LRRTM4: variants seen among roughly 807,000 people sequenced by gnomAD.
The protein encoded by LRRTM4 is leucine-rich repeat transmembrane neuronal protein 4.
In LRRTM4, 25 loss-of-function variants were observed where a neutral mutation model predicts 47.6. The observed-to-expected ratio is 0.53, with a 90% confidence interval of 0.38 to 0.73. The LOEUF (loss-of-function observed/expected upper bound fraction) is 0.73, where lower values mean the gene tolerates loss of function less well. Ranked by LOEUF, LRRTM4 falls within the 30% of genes least tolerant of loss-of-function variation. LRRTM4 has a pLI of 0.00. For missense variants in LRRTM4, 638 were observed against 713.4 expected (o/e 0.89, Z 1.20); for synonymous variants, 311 against 269.5 (o/e 1.15, Z -1.51).
chr2:76,931,554 G>C (rs1674770543), intron 3 of LRRTM4, among the ~76,000 whole-genome samples: 1 of 152,054 alleles, frequency 6.6e-6, no homozygotes, highest in South Asian at 2.1e-4. Flanking sequence ...TCATCACTCA[G>C]TGTCTCCTAG....
At chr2:77,405,938 G>T (rs1674163070) in intron 3 of LRRTM4, among the ~76,000 whole-genome samples, 1 of 152,104 alleles carries the variant, frequency 6.6e-6, no homozygotes, top group South Asian at 2.1e-4. Flanking sequence ...TAAACAATGA[G>T]CTTCTTAGGA....
chr2:77,430,931 G>A (rs1675349322), intron 3 of LRRTM4, among the ~76,000 whole-genome samples: 1 of 148,390 alleles, frequency 6.7e-6, no homozygotes, highest in Admixed American at 6.6e-5. Context: ...CAGAGGAAAG[G>A]CCAATTTGCT....
chr2:77,006,280 G>T (rs190460064), intron 3 of LRRTM4, among the ~76,000 whole-genome samples: 1 of 152,030 alleles, frequency 6.6e-6, no homozygotes, highest in Non-Finnish European at 1.5e-5. Flanking sequence ...GGGAATCTAA[G>T]GAATTACAAT....
At chr2:76,893,854 T>C (rs974307172) in intron 3 of LRRTM4, among the ~76,000 whole-genome samples, 4 of 151,858 alleles carry the variant, frequency 2.6e-5, no homozygotes, top group African/African-American at 7.2e-5. Flanking sequence ...CAAAATTGTA[T>C]ACATTTTGGG....
At chr2:76,934,883 A>C (rs530979233) in intron 3 of LRRTM4, among the ~76,000 whole-genome samples, 4 of 152,004 alleles carry the variant, frequency 2.6e-5, no homozygotes, top group East Asian at 2.0e-4. Context: ...TTAATCTAAC[A>C]ATTCTGTAAA....
At chr2:77,176,780 G>A (rs1228920089) in intron 3 of LRRTM4, among the ~76,000 whole-genome samples, 1 of 152,166 alleles carries the variant, frequency 6.6e-6, no homozygotes, top group South Asian at 2.1e-4. Context: ...TAGGAATCTG[G>A]CAGGACTTGT....
chr2:77,014,506 A>T (rs1264302867), intron 3 of LRRTM4, among the ~76,000 whole-genome samples: 1 of 81,578 alleles, frequency 1.2e-5, no homozygotes, highest in Non-Finnish European at 2.6e-5. Flanking sequence ...GCCCTTTCAT[A>T]TATATATATA....
At chr2:76,916,524 G>C (rs1032307492) in intron 3 of LRRTM4, among the ~76,000 whole-genome samples, 2 of 151,822 alleles carry the variant, frequency 1.3e-5, no homozygotes, top group African/African-American at 4.8e-5. Flanking sequence ...ATACTTGAAA[G>C]GCACTGGTGT....
intron 3 of LRRTM4, among the ~76,000 whole-genome samples, chr2:76,976,262 T>C (rs1160247333): frequency 6.6e-6 from 1 of 151,724 alleles, no homozygotes; most frequent in Non-Finnish European, 1.5e-5. Flanking sequence ...TTTATAAAAG[T>C]GCATCTAAAA....
intron 3 of LRRTM4, among the ~76,000 whole-genome samples, chr2:76,983,515 C>T (rs561908628): frequency 2.0e-5 from 3 of 151,992 alleles, no homozygotes; most frequent in Admixed American, 6.6e-5. Context: ...TAAGACATGC[C>T]TTTGCTGCTC....
intron 3 of LRRTM4, among the ~76,000 whole-genome samples, chr2:76,996,763 G>GA (rs149685797): frequency 0.047 from 7,171 of 151,986 alleles, 366 homozygotes; most frequent in East Asian, 0.14. Context: ...AATCTGCTGA[G>GA]AAAAAAATGT....
intron 3 of LRRTM4, among the ~76,000 whole-genome samples, chr2:77,210,089 T>G (rs1674249659): frequency 6.6e-6 from 1 of 152,338 alleles, no homozygotes; most frequent in Non-Finnish European, 1.5e-5. Context: ...CTATTTTATT[T>G]ACAGAAATAA....
At chr2:76,849,047 A>C (rs1309005084) in intron 3 of LRRTM4, among the ~76,000 whole-genome samples, 1 of 151,908 alleles carries the variant, frequency 6.6e-6, no homozygotes, top group Non-Finnish European at 1.5e-5. Flanking sequence ...CTCTCCCCCT[A>C]TCTTTCCTTC....
At chr2:76,896,501 G>A (rs578121468) in intron 3 of LRRTM4, among the ~76,000 whole-genome samples, 2 of 152,074 alleles carry the variant, frequency 1.3e-5, no homozygotes, top group East Asian at 3.9e-4. Flanking sequence ...TGTGGCTTAT[G>A]TCAGAAGCAA....
intron 3 of LRRTM4, among the ~76,000 whole-genome samples, chr2:77,259,638 T>G (rs6715656): frequency 5.9e-4 from 90 of 151,986 alleles, no homozygotes; most frequent in African/African-American, 2.1e-3. Flanking sequence ...AGGGTTAAAA[T>G]GTAGGCACAC....
At chr2:77,429,317 C>T (rs1675256660) in intron 3 of LRRTM4, among the ~76,000 whole-genome samples, 1 of 152,020 alleles carries the variant, frequency 6.6e-6, no homozygotes, top group African/African-American at 2.4e-5. Flanking sequence ...TTACAATATG[C>T]ACTTTCATTC....
chr2:77,124,324 A>G (rs13383149), intron 3 of LRRTM4, among the ~76,000 whole-genome samples: 67,077 of 151,792 alleles, frequency 0.44, 14,891 homozygotes, highest in Admixed American at 0.46. Flanking sequence ...ACCAAGTTAA[A>G]TACACACAGG....
intron 3 of LRRTM4, among the ~76,000 whole-genome samples, chr2:76,900,632 T>A (rs917894575): frequency 1.3e-5 from 2 of 152,146 alleles, no homozygotes; most frequent in African/African-American, 2.4e-5. Flanking sequence ...GAAATGCAGT[T>A]AAAGATTTAT....
At chr2:77,488,496 C>T (rs1253199129) in intron 3 of LRRTM4, among the ~76,000 whole-genome samples, 1 of 152,142 alleles carries the variant, frequency 6.6e-6, no homozygotes, top group African/African-American at 2.4e-5. Context: ...CCAGTGGGCC[C>T]CAGCAAAGCT....
Sources: allele counts gnomAD v4.1 joint callset (sites outside exome capture counted in the v4.1 genomes callset), GRCh38; gene constraint gnomAD v4.1.1; transcripts MANE v1.5; gene names NCBI Gene and HGNC (gene_info 2026-07-23, HGNC 2026-07-21).